Variants in PMS1 observed in about 807,000 individuals in gnomAD.
PMS1 encodes the protein PMS1 protein homolog 1.
A neutral mutation model predicts 93.1 loss-of-function variants in PMS1; 79 were observed. That is an observed-to-expected ratio of 0.85 (90% confidence interval 0.71 to 1.02). The LOEUF is 1.02. Ranked by LOEUF, PMS1 falls within the 50% of genes least tolerant of loss-of-function variation. PMS1 has a pLI of 0.00. For missense variants in PMS1, 1,064 were observed against 1,085.3 expected (o/e 0.98, Z 0.28); for synonymous variants, 335 against 363.4 (o/e 0.92, Z 0.89).
chr2:189,828,229 A>G (rs2052620569), intron 5 of PMS1, among the ~76,000 whole-genome samples: 1 of 152,142 alleles, frequency 6.6e-6, no homozygotes, highest in South Asian at 2.1e-4. Context: ...CGGCCCAGGA[A>G]GAATAAGTTC....
chr2:189,790,173 C>G lies in PMS1; in HGVS notation c.-20-1617C>G, dbSNP rs148552925. Among the ~76,000 whole-genome samples, 25 of 152,220 alleles carry G rather than the reference C, an allele frequency of 1.6e-4. 2 individuals carry two copies. The East Asian group carries it at 4.1e-3, about 25-fold the overall frequency. The stretch of plus-strand genomic sequence containing the variant: ...TGACATGTCTGGTATGAGACCAGTT[C>G]AGATTAACAGTAATCCTAACTCTAA... On this transcript the variant is annotated intron_variant, in intron 1 of 12. Coordinates refer to ENST00000441310, the MANE Select transcript of PMS1 (RefSeq NM_000534.5).
chr2:189,810,848 A>ATATTCTCCTTTTATATTC (rs2050779028), intron 4 of PMS1, among the ~76,000 whole-genome samples: 1 of 152,136 alleles, frequency 6.6e-6, no homozygotes, highest in African/African-American at 2.4e-5. Flanking sequence ...CTTCTTTAGT[A>ATATTCTCCTTTTATATTC]TCCTTTTATA....
At chr2:189,844,775 A>C (rs1264988429) in intron 6 of PMS1, among the ~76,000 whole-genome samples, 1 of 151,956 alleles carries the variant, frequency 6.6e-6, no homozygotes, top group Non-Finnish European at 1.5e-5. Context: ...TCTTAACTCA[A>C]ACTTTTCTTC....
chr2:189,791,621 A>C lies in PMS1; in HGVS notation c.-20-169A>C, dbSNP rs904349188. The C allele has an allele frequency of 7.4e-6, 4 of 537,398 alleles. No homozygotes were observed. In the African/African-American group the frequency reaches 7.7e-5, roughly 10 times the overall value. 33.3% of individuals were successfully genotyped at this position (537,398 alleles called of 1,614,324 possible). On this transcript the variant is annotated intron_variant, in intron 1 of 12. Coordinates refer to ENST00000441310, the MANE Select transcript of PMS1 (RefSeq NM_000534.5). ...GACAGCGAGATTTCATCTCCAAAAA[A>C]AAAAAAAGAAGAAATAGAAGACTTA... is the stretch of plus-strand genomic sequence containing the variant.
At chr2:189,845,767 A>G (rs1470332908) in intron 6 of PMS1, among the ~76,000 whole-genome samples, 1 of 151,766 alleles carries the variant, frequency 6.6e-6, no homozygotes, top group Non-Finnish European at 1.5e-5. Flanking sequence ...GTCTCGCTTT[A>G]TCACCCAGGC....
chr2:189,823,688 T>G (rs562019526), intron 5 of PMS1, among the ~76,000 whole-genome samples: 1 of 152,342 alleles, frequency 6.6e-6, no homozygotes, highest in Admixed American at 6.5e-5. Context: ...GGCATAAAAT[T>G]TAATCTTTTT....
chr2:189,857,008 T>C (rs2055405145), intron 9 of PMS1, among the ~76,000 whole-genome samples: 1 of 152,128 alleles, frequency 6.6e-6, no homozygotes, highest in African/African-American at 2.4e-5. Flanking sequence ...TCAAGACCTC[T>C]GAAGCTTCAC....
chr2:189,797,461 C>T (rs762776224), intron 3 of PMS1, among the ~76,000 whole-genome samples: 1 of 152,178 alleles, frequency 6.6e-6, no homozygotes, highest in African/African-American at 2.4e-5. Context: ...TGTTTGATCA[C>T]GTGACTCTGT....
chr2:189,837,286 C>T (rs1416238717), intron 5 of PMS1, among the ~76,000 whole-genome samples: 1 of 151,798 alleles, frequency 6.6e-6, no homozygotes, highest in African/African-American at 2.4e-5. Context: ...CCACCATGCC[C>T]AGCTAATTTT....
At chr2:189,858,498 C>T (rs1259927943) in intron 9 of PMS1, among the ~76,000 whole-genome samples, 1 of 152,104 alleles carries the variant, frequency 6.6e-6, no homozygotes, top group Non-Finnish European at 1.5e-5. Context: ...ACAGTAGCAG[C>T]TGCTTTTACT....
intron 5 of PMS1, among the ~76,000 whole-genome samples, chr2:189,837,244 G>C (rs1220992199): frequency 6.6e-6 from 1 of 151,050 alleles, no homozygotes; most frequent in Non-Finnish European, 1.5e-5. Context: ...TCCCACCTCA[G>C]CCTCCTGAGT....
chr2:189,839,421 A>G (rs144234391), intron 5 of PMS1, among the ~76,000 whole-genome samples: 2 of 152,362 alleles, frequency 1.3e-5, no homozygotes, highest in Non-Finnish European at 2.9e-5. Flanking sequence ...CAGTGACTCT[A>G]CATTGCACGT....
chr2:189,849,452 A>G (rs530168788), intron 6 of PMS1, among the ~76,000 whole-genome samples: 36 of 152,172 alleles, frequency 2.4e-4, no homozygotes, highest in South Asian at 2.3e-3. Flanking sequence ...TTTTAAGTGT[A>G]CGCTACTTTT....
chr2:189,870,302 G>A (rs2057036079), intron 11 of PMS1, among the ~76,000 whole-genome samples: 1 of 152,112 alleles, frequency 6.6e-6, no homozygotes, highest in Non-Finnish European at 1.5e-5. Flanking sequence ...TGAAAGAGAA[G>A]GAATACATCT....
chr2:189,818,607 G>A (rs2051532668), intron 5 of PMS1, among the ~76,000 whole-genome samples: 1 of 152,152 alleles, frequency 6.6e-6, no homozygotes, highest in Non-Finnish European at 1.5e-5. Context: ...AACATGTAAA[G>A]AGTCTTTTTT....
intron 5 of PMS1, among the ~76,000 whole-genome samples, chr2:189,842,119 G>T (rs2053865902): frequency 6.6e-6 from 1 of 151,488 alleles, no homozygotes; most frequent in African/African-American, 2.4e-5. Flanking sequence ...TATCCAAATT[G>T]GTTCCATTTA....
intron 9 of PMS1, among the ~76,000 whole-genome samples, chr2:189,862,606 G>T (rs2056135180): frequency 6.6e-6 from 1 of 152,164 alleles, no homozygotes. Flanking sequence ...CTTCTGAAAA[G>T]TGCTGATTTT....
intron 12 of PMS1, 127 bp from the exon 13 acceptor site, chr2:189,877,145 A>C: frequency 1.3e-6 from 1 of 786,260 alleles, no homozygotes; most frequent in African/African-American, 1.7e-5. Flanking sequence ...TTGATACTTA[A>C]TAAATATTTG....
intron 3 of PMS1, among the ~76,000 whole-genome samples, chr2:189,796,178 G>T (rs1280787434): frequency 6.6e-6 from 1 of 152,064 alleles, no homozygotes; most frequent in Non-Finnish European, 1.5e-5. Flanking sequence ...GGCCAACATG[G>T]TGAAACCCCG....
Sources: allele counts gnomAD v4.1 joint callset (sites outside exome capture counted in the v4.1 genomes callset), GRCh38; gene constraint gnomAD v4.1.1; transcripts MANE v1.5; gene names NCBI Gene and HGNC (gene_info 2026-07-23, HGNC 2026-07-21).